PCDH15: variants seen among roughly 807,000 people sequenced by gnomAD.
PCDH15 encodes the protein protocadherin related 15.
A neutral mutation model predicts 178.5 loss-of-function variants in PCDH15; 129 were observed. The ratio of observed to expected loss-of-function variants is 0.72; its 90% CI spans 0.63 to 0.84. PCDH15 has a LOEUF of 0.84. Ranked by LOEUF, PCDH15 falls within the 40% of genes least tolerant of loss-of-function variation. The pLI, the probability that PCDH15 is intolerant of heterozygous loss-of-function variation, is 0.00. For missense variants in PCDH15, 2,230 were observed against 2,099.9 expected (o/e 1.06, Z -1.21); for synonymous variants, 800 against 732.0 (o/e 1.09, Z -1.50).
At chr10:55,388,059 T>G (rs1032370657) in intron 2 of PCDH15, among the ~76,000 whole-genome samples, 2 of 152,078 alleles carry the variant, frequency 1.3e-5, no homozygotes, top group Non-Finnish European at 2.9e-5. Context: ...TATTGTGTCT[T>G]CTTCCCCGTC....
chr10:54,147,036 TAATA>T (rs2044050106), intron 14 of PCDH15, among the ~76,000 whole-genome samples: 3 of 132,076 alleles, frequency 2.3e-5, no homozygotes, highest in East Asian at 2.0e-4. Context: ...TACAAATATA[TAATA>T]TATATATTTG....
intron 3 of PCDH15, among the ~76,000 whole-genome samples, chr10:54,444,114 A>T (rs1160362465): frequency 6.6e-6 from 1 of 151,744 alleles, no homozygotes; most frequent in African/African-American, 2.4e-5. Flanking sequence ...GAGGTAAGGG[A>T]ATATTTACCT....
At chr10:54,339,453 C>A (rs948048523) in intron 6 of PCDH15, among the ~76,000 whole-genome samples, 7 of 152,102 alleles carry the variant, frequency 4.6e-5, no homozygotes, top group Non-Finnish European at 8.8e-5. Flanking sequence ...AAAGGCCTGA[C>A]AACATATATT....
At chr10:54,936,389 T>C (rs1314722378) in intron 2 of PCDH15, among the ~76,000 whole-genome samples, 6 of 152,016 alleles carry the variant, frequency 3.9e-5, no homozygotes, top group African/African-American at 1.4e-4. Flanking sequence ...CTCTTGGGTA[T>C]ATATCTAGGA....
chr10:54,325,212 C>A (rs1056036960), intron 7 of PCDH15, among the ~76,000 whole-genome samples: 5 of 151,994 alleles, frequency 3.3e-5, no homozygotes, highest in Non-Finnish European at 1.5e-5. Flanking sequence ...TAAAAAGAAA[C>A]CTCCAAACTA....
At chr10:54,817,843 G>T (rs1319149325) in intron 3 of PCDH15, among the ~76,000 whole-genome samples, 1 of 151,958 alleles carries the variant, frequency 6.6e-6, no homozygotes, top group East Asian at 1.9e-4. Flanking sequence ...TTTAATAGCT[G>T]TAGCTATATC....
intron 2 of PCDH15, among the ~76,000 whole-genome samples, chr10:55,528,914 C>T (rs1841377828): frequency 6.6e-6 from 1 of 152,080 alleles, no homozygotes; most frequent in Non-Finnish European, 1.5e-5. Flanking sequence ...TTAATGATTG[C>T]CATTCTAACT....
chr10:54,703,235 G>C (rs1263821673), intron 1 of PCDH15, among the ~76,000 whole-genome samples: 2 of 151,862 alleles, frequency 1.3e-5, no homozygotes, highest in African/African-American at 4.8e-5. Context: ...CCACAAAATA[G>C]TAAGAGCCGT....
intron 2 of PCDH15, among the ~76,000 whole-genome samples, chr10:55,529,840 T>G (rs1376050785): frequency 6.9e-6 from 1 of 144,830 alleles, no homozygotes; most frequent in Non-Finnish European, 1.5e-5. Flanking sequence ...GAATTAGACT[T>G]TCATGCATAA....
At chr10:54,141,416 A>G (rs1270538555) in intron 14 of PCDH15, among the ~76,000 whole-genome samples, 1 of 152,206 alleles carries the variant, frequency 6.6e-6, no homozygotes, top group Non-Finnish European at 1.5e-5. Flanking sequence ...TACATTATAT[A>G]TTTTGTAATT....
chr10:54,955,394 T>G (rs902821812), intron 2 of PCDH15, among the ~76,000 whole-genome samples: 2 of 151,380 alleles, frequency 1.3e-5, no homozygotes, highest in African/African-American at 4.8e-5. Flanking sequence ...ATTTTGGTTT[T>G]TGTAAGCATT....
intron 8 of PCDH15, among the ~76,000 whole-genome samples, chr10:54,293,321 A>G (rs932069328): frequency 1.3e-5 from 2 of 152,218 alleles, no homozygotes; most frequent in African/African-American, 4.8e-5. Flanking sequence ...TTAATTCAAG[A>G]TGGATTAAAG....
chr10:55,272,845 G>C (rs1258609388), intron 1 of PCDH15, among the ~76,000 whole-genome samples: 15 of 151,818 alleles, frequency 9.9e-5, no homozygotes, highest in South Asian at 2.1e-4. Flanking sequence ...TCTCCCCCCA[G>C]CCTGTCTAAT....
chr10:55,501,161 C>A (rs1213960226), intron 2 of PCDH15, among the ~76,000 whole-genome samples: 1 of 151,544 alleles, frequency 6.6e-6, no homozygotes, highest in Admixed American at 6.6e-5. Flanking sequence ...ATGGCAGAGG[C>A]AGGGATTGCA....
intron 2 of PCDH15, among the ~76,000 whole-genome samples, chr10:55,103,416 G>A (rs999972805): frequency 6.6e-6 from 1 of 152,070 alleles, no homozygotes; most frequent in Admixed American, 6.6e-5. Flanking sequence ...ATTTCTCCAA[G>A]ATCCATATTT....
chr10:54,712,508 A>T (rs1401721785), intron 1 of PCDH15, among the ~76,000 whole-genome samples: 1 of 151,958 alleles, frequency 6.6e-6, no homozygotes, highest in African/African-American at 2.4e-5. Flanking sequence ...TTTGAGTGCT[A>T]TAGAAAATGT....
intron 32 of PCDH15, chr10:53,823,021 T>C (rs2076405770): frequency 1.2e-6 from 2 of 1,614,084 alleles, no homozygotes; most frequent in African/African-American, 1.3e-5. Context: ...CTCTGAATCT[T>C]TTCTCTTGGG....
chr10:54,445,194 T>C (rs1032399396), intron 3 of PCDH15, among the ~76,000 whole-genome samples: 13 of 151,400 alleles, frequency 8.6e-5, no homozygotes, highest in African/African-American at 3.1e-4. Context: ...CTTTTATTTT[T>C]TTCTCCATAA....
chr10:54,648,434 C>T (rs934872752), intron 2 of PCDH15, among the ~76,000 whole-genome samples: 1 of 152,010 alleles, frequency 6.6e-6, no homozygotes, highest in African/African-American at 2.4e-5. Flanking sequence ...AAACAAAATC[C>T]GCAAAGATGA....
Sources: gnomAD v4.1 joint callset for allele counts (sites outside exome capture counted in the v4.1 genomes callset) on GRCh38, gnomAD v4.1.1 for gene constraint, MANE v1.5 for transcripts, NCBI Gene and HGNC (gene_info 2026-07-23, HGNC 2026-07-21) for gene names.